TFAP2D: variants seen among roughly 807,000 people sequenced by gnomAD.
TFAP2D encodes transcription factor AP-2 delta.
TFAP2D carries 9 observed loss-of-function variants against 43.6 expected under a neutral mutation model. The observed-to-expected ratio is 0.21, with a 90% CI of 0.12 to 0.36. The LOEUF is 0.36. Among genes scored for constraint, TFAP2D ranks in the 10% least tolerant of loss-of-function variants. The pLI is 1.00. For missense variants in TFAP2D, 513 were observed against 561.4 expected (o/e 0.91, Z 0.87); for synonymous variants, 256 against 224.9 (o/e 1.14, Z -1.24).
At chr6:50,717,771 T>A (rs1768651809) in intron 2 of TFAP2D, among the ~76,000 whole-genome samples, 1 of 152,254 alleles carries the variant, frequency 6.6e-6, no homozygotes, top group Admixed American at 6.5e-5. Context: ...CTGTTCTTGC[T>A]CCAAGTTGGC....
chr6:50,739,225 C>T (rs999329293), intron 5 of TFAP2D, among the ~76,000 whole-genome samples: 2 of 152,048 alleles, frequency 1.3e-5, no homozygotes, highest in Non-Finnish European at 2.9e-5. Context: ...TCTCCCCTAC[C>T]CCCACCCCAC....
At chr6:50,714,585 A>AT (rs1768582864) in intron 1 of TFAP2D, among the ~76,000 whole-genome samples, 1 of 152,070 alleles carries the variant, frequency 6.6e-6, no homozygotes, top group African/African-American at 2.4e-5. Flanking sequence ...CACAGACTGG[A>AT]TTTTTTAAAA....
At chr6:50,762,967 CT>C (rs1769383759) in intron 7 of TFAP2D, among the ~76,000 whole-genome samples, 1 of 152,020 alleles carries the variant, frequency 6.6e-6, no homozygotes, top group African/African-American at 2.4e-5. Context: ...TGACCTTTGC[CT>C]TTTTAGTTTA....
chr6:50,750,111 A>G lies in TFAP2D; in HGVS notation c.1026-1100A>G, dbSNP rs1169217058. Among the ~76,000 whole-genome samples, 5 of 152,088 alleles carry G rather than the reference A, an allele frequency of 3.3e-5. No homozygotes were observed. In the East Asian group the frequency reaches 9.7e-4, roughly 29 times the overall value. On this transcript the variant is annotated intron_variant, in intron 6 of 7. Transcript: ENST00000008391. Reference sequence around the variant, plus strand: ...CCCACTGATTTTTAACTCAGTGATCAATTATTTGTACTTCAAGATATTTTG... The same window carrying G: ...CCCACTGATTTTTAACTCAGTGATCGATTATTTGTACTTCAAGATATTTTG...
intron 3 of TFAP2D, among the ~76,000 whole-genome samples, chr6:50,720,200 A>G (rs961396425): frequency 2.6e-5 from 4 of 152,138 alleles, no homozygotes; most frequent in Admixed American, 2.0e-4. Flanking sequence ...TTCTGATGGG[A>G]CCAAATAAGT....
intron 3 of TFAP2D, among the ~76,000 whole-genome samples, chr6:50,727,452 G>A (rs900590207): frequency 5.3e-5 from 8 of 152,146 alleles, no homozygotes; most frequent in Non-Finnish European, 1.0e-4. Context: ...GGAGATACCT[G>A]GGAGGCAAGT....
At chr6:50,761,718 A>G (rs1581777964) in intron 7 of TFAP2D, among the ~76,000 whole-genome samples, 1 of 152,130 alleles carries the variant, frequency 6.6e-6, no homozygotes, top group African/African-American at 2.4e-5. Context: ...GACAATTAGA[A>G]TAATATGGAC....
At position 50,772,780 on chromosome 6, in the gene TFAP2D, A is replaced by C. The variant is rs1387555983; in HGVS notation, c.1275A>C (p.Gln425His). ...ACGGCGGAGCGGCGGATTCTGGCCA[A>C]GGACATGCCAACTCGGAGAAAGCTC... ...HKNGGAADSGQGHANSEKAPL... is the reference protein window; with the variant it reads ...HKNGGAADSGHGHANSEKAPL... Residue 425 changes from glutamine to histidine, a missense_variant, in exon 8 of 8, where the codon CAA becomes CAC. Around this residue, in one of 3 missense-constraint regions of TFAP2D, gnomAD observed 199 missense variants for 227.9 expected, o/e 0.87. Transcript: ENST00000008391. 2 of 1,614,158 alleles carry C rather than the reference A, an allele frequency of 1.2e-6. No homozygotes were observed. The highest frequency in any genetic ancestry group is 1.7e-6 in the Non-Finnish European group (2 of 1,180,024).
chr6:50,746,589 C>T (rs1013681489), intron 6 of TFAP2D, among the ~76,000 whole-genome samples: 25 of 152,104 alleles, frequency 1.6e-4, no homozygotes, highest in Admixed American at 2.6e-4. Context: ...TTAAAAACAT[C>T]ACTTCTTAGA....
At chr6:50,763,772 A>T (rs1259282697) in intron 7 of TFAP2D, among the ~76,000 whole-genome samples, 2 of 152,152 alleles carry the variant, frequency 1.3e-5, no homozygotes, top group African/African-American at 4.8e-5. Flanking sequence ...AGACTTCATG[A>T]TTCAGTTTAT....
intron 7 of TFAP2D, among the ~76,000 whole-genome samples, chr6:50,764,554 C>T (rs147219602): frequency 1.4e-4 from 21 of 152,140 alleles, no homozygotes; most frequent in African/African-American, 4.8e-4. Context: ...TCCCTTTAAT[C>T]TATAAAAATA....
chr6:50,753,946 G>A (rs575465606), intron 7 of TFAP2D, among the ~76,000 whole-genome samples: 16 of 151,894 alleles, frequency 1.1e-4, no homozygotes, highest in Non-Finnish European at 1.5e-4. Context: ...TTTCTTTATA[G>A]CAAATTTCCT....
intron 3 of TFAP2D, 48 bp from the exon 4 acceptor site, chr6:50,728,808 A>C: frequency 4.7e-4 from 655 of 1,390,076 alleles, no homozygotes; most frequent in Non-Finnish European, 6.0e-4. Flanking sequence ...TCATGCAGTT[A>C]GCTTCTTTCA....
At position 50,745,164 on chromosome 6, in the gene TFAP2D, C is replaced by T. The variant is rs770135611; in HGVS notation, c.941C>T (p.Ala314Val). ...FGYTCETEFPAKAVGEHLARQ... is the reference protein window; with the variant it reads ...FGYTCETEFPVKAVGEHLARQ... ...TACACTTGTGAAACAGAGTTTCCAG[C>T]CAAAGCAGTAGGAGAACATCTTGCC... The change falls in exon 6 of 8, where the codon GCC (alanine) becomes GTC (valine). Residue 314 changes from alanine to valine, a missense_variant. This residue lies in a region of TFAP2D where 199 missense variants were observed against 227.9 expected (regional missense o/e 0.87). Transcript: ENST00000008391. 14 of 1,613,406 alleles carry T rather than the reference C, an allele frequency of 8.7e-6. No homozygotes were observed. Among genetic ancestry groups the T allele is most frequent in the Non-Finnish European group, 1.2e-5 (14 of 1,179,786 alleles).
intron 7 of TFAP2D, among the ~76,000 whole-genome samples, chr6:50,769,333 CA>C (rs1769491541): frequency 2.0e-5 from 3 of 152,212 alleles, no homozygotes; most frequent in African/African-American, 7.2e-5. Context: ...TGTCATTTTA[CA>C]AGGCTAAATA....
In TFAP2D at chr6:50,713,785, G is replaced by A; in HGVS notation, c.-271G>A. The A allele has an allele frequency of 1.8e-6, 1 of 548,566 alleles. No homozygotes were observed. Among genetic ancestry groups the A allele is most frequent in the Non-Finnish European group, 3.2e-6 (1 of 314,564 alleles). 34.0% of individuals were successfully genotyped at this position (548,566 alleles called of 1,614,324 possible). A position where few individuals can be genotyped will look rare whatever the true frequency, so the allele number is the denominator to read the frequency against. On this transcript the variant is annotated 5_prime_UTR_variant, in exon 1 of 8. Transcript: ENST00000008391. ...ACTTCTATATTACCAAGGGACCTAC[G>A]ACATCAGCCAAAGAAATACTCAGCA...
intron 7 of TFAP2D, among the ~76,000 whole-genome samples, chr6:50,761,549 G>A (rs924257253): frequency 6.6e-6 from 1 of 151,968 alleles, no homozygotes; most frequent in African/African-American, 2.4e-5. Context: ...AGGTAGAAAG[G>A]TGCTGGATAC....
chr6:50,719,006 T>C (rs1173790014), intron 2 of TFAP2D, 84 bp from the exon 3 acceptor site: 3 of 1,280,170 alleles, frequency 2.3e-6, no homozygotes, highest in Admixed American at 1.9e-5. Flanking sequence ...AGTTCAGGGA[T>C]GGGCTAGTCT....
chr6:50,752,691 A>G (rs1369651486), intron 7 of TFAP2D, among the ~76,000 whole-genome samples: 1 of 152,008 alleles, frequency 6.6e-6, no homozygotes, highest in East Asian at 1.9e-4. Context: ...TCTTCCAAAA[A>G]TGCACAAAAT....
Sources: gnomAD v4.1 joint callset for allele counts (sites outside exome capture counted in the v4.1 genomes callset) on GRCh38, gnomAD v4.1.1 for gene constraint, gnomAD v4.1.1 regional missense constraint, MANE v1.5 for transcripts, NCBI Gene and HGNC (gene_info 2026-07-23, HGNC 2026-07-21) for gene names.